Variants in SPAG16 observed in about 807,000 individuals in gnomAD.
SPAG16 encodes sperm associated antigen 16, also known as sperm-associated antigen 16 protein.
In SPAG16, 86 loss-of-function variants were observed where a neutral mutation model predicts 80.4. The observed-to-expected ratio is 1.07, with a 90% CI of 0.90 to 1.28. The LOEUF is 1.28. SPAG16 is among the 50% of genes most tolerant of loss of function. The pLI, the probability that SPAG16 is intolerant of heterozygous loss-of-function variation, is 0.00. For synonymous variants in SPAG16, 294 were observed against 265.9 expected, an observed-to-expected ratio of 1.11 and a Z score of -1.03; for missense variants, 870 against 765.3, an observed-to-expected ratio of 1.14 and a Z score of -1.61.
intron 5 of SPAG16, among the ~76,000 whole-genome samples, chr2:213,338,894 C>A (rs2064526645): frequency 1.3e-5 from 2 of 151,898 alleles, no homozygotes; most frequent in African/African-American, 4.8e-5. Flanking sequence ...GGAGGTGGAG[C>A]ATTAGGAAAA....
At chr2:213,355,854 A>G in intron 7 of SPAG16, among the ~76,000 whole-genome samples, 1 of 152,012 alleles carries the variant, frequency 6.6e-6, no homozygotes, top group East Asian at 1.9e-4. Flanking sequence ...AATCCCCTTT[A>G]TTTCTTTCTC....
chr2:213,590,471 A>G (rs2060646893), intron 10 of SPAG16, among the ~76,000 whole-genome samples: 2 of 151,904 alleles, frequency 1.3e-5, no homozygotes, highest in Admixed American at 6.6e-5. Flanking sequence ...AAATAACCCC[A>G]TTAAAAAGTG....
chr2:213,472,302 A>T (rs1405703812), intron 9 of SPAG16, among the ~76,000 whole-genome samples: 1 of 151,930 alleles, frequency 6.6e-6, no homozygotes, highest in Admixed American at 6.6e-5. Context: ...ATACCAGGAG[A>T]TGTGTTAATT....
intron 15 of SPAG16, among the ~76,000 whole-genome samples, chr2:214,201,742 A>G (rs2058014972): frequency 6.6e-6 from 1 of 152,224 alleles, no homozygotes. Context: ...CTCTGGAAAT[A>G]ATCTTTTGGA....
At chr2:213,776,633 GT>G (rs373640006) in intron 10 of SPAG16, among the ~76,000 whole-genome samples, 20 of 151,454 alleles carry the variant, frequency 1.3e-4, no homozygotes, top group Non-Finnish European at 2.1e-4. Context: ...ATTTTAAAAA[GT>G]TTTTTTTTCT....
At chr2:214,120,342 CT>C (rs1410769987) in intron 14 of SPAG16, among the ~76,000 whole-genome samples, 4 of 151,694 alleles carry the variant, frequency 2.6e-5, no homozygotes, top group African/African-American at 4.8e-5. Context: ...TACTACATTT[CT>C]TATAGAAATG....
chr2:213,667,276 C>G (rs1222119497), intron 10 of SPAG16, among the ~76,000 whole-genome samples: 2 of 152,086 alleles, frequency 1.3e-5, no homozygotes, highest in Admixed American at 1.3e-4. Flanking sequence ...AAATAGATCA[C>G]TAGGAAATTC....
chr2:214,023,762 A>G (rs571156219), intron 13 of SPAG16, among the ~76,000 whole-genome samples: 1 of 151,822 alleles, frequency 6.6e-6, no homozygotes, highest in East Asian at 1.9e-4. Flanking sequence ...CATCACAAAT[A>G]TCATTCCTTT....
intron 9 of SPAG16, among the ~76,000 whole-genome samples, chr2:213,423,638 C>T (rs1160912548): frequency 1.3e-5 from 2 of 152,146 alleles, no homozygotes; most frequent in Non-Finnish European, 2.9e-5. Context: ...ATCATGATGA[C>T]AATACTAACA....
chr2:214,178,973 A>G lies in SPAG16; in HGVS notation c.1720+29707A>G, dbSNP rs147619860. Among the ~76,000 whole-genome samples, 1,471 of 151,390 alleles carry G rather than the reference A, an allele frequency of 9.7e-3. 13 individuals are homozygous for G. The highest frequency in any genetic ancestry group is 0.024 in the Middle Eastern group (7 of 294). On this transcript the variant is annotated intron_variant, in intron 15 of 15. Transcript: ENST00000331683. ...TACAATTTTCTTTTGACGTATGAACATTTCTTTTGCAAACTAAGATGACCC... is the reference window on the plus strand; with the variant it reads ...TACAATTTTCTTTTGACGTATGAACGTTTCTTTTGCAAACTAAGATGACCC...
chr2:214,186,160 G>T (rs747637674), intron 15 of SPAG16, among the ~76,000 whole-genome samples: 3 of 152,152 alleles, frequency 2.0e-5, no homozygotes. Flanking sequence ...AGTATTAAAA[G>T]AATTCCCTGA....
At chr2:214,013,179 CTTTT>C (rs11382197) in intron 12 of SPAG16, among the ~76,000 whole-genome samples, 1 of 138,920 alleles carries the variant, frequency 7.2e-6, no homozygotes, top group African/African-American at 2.7e-5. Flanking sequence ...AGTATTTTGT[CTTTT>C]TTTTTTTTTT....
intron 10 of SPAG16, among the ~76,000 whole-genome samples, chr2:213,633,916 T>G (rs960897835): frequency 3.9e-5 from 6 of 152,132 alleles, no homozygotes; most frequent in African/African-American, 1.4e-4. Flanking sequence ...ATGTGTGTCT[T>G]TGTAGGTTAA....
chr2:213,870,236 A>G (rs2075894287), intron 11 of SPAG16, among the ~76,000 whole-genome samples: 1 of 152,152 alleles, frequency 6.6e-6, no homozygotes, highest in Non-Finnish European at 1.5e-5. Context: ...GCTTTATACA[A>G]AGACATAGCT....
At chr2:214,311,152 C>T (rs1266191931) in intron 15 of SPAG16, among the ~76,000 whole-genome samples, 3 of 152,050 alleles carry the variant, frequency 2.0e-5, no homozygotes, top group Non-Finnish European at 4.4e-5. Flanking sequence ...CTGTTACCTG[C>T]ATTTCCTCTG....
intron 9 of SPAG16, among the ~76,000 whole-genome samples, chr2:213,489,695 G>T (rs1226042812): frequency 6.6e-6 from 1 of 151,994 alleles, no homozygotes; most frequent in African/African-American, 2.4e-5. Flanking sequence ...GTGCTTCATT[G>T]GAATTCAAAT....
chr2:213,550,725 T>C lies in SPAG16; in HGVS notation c.1070+60635T>C, dbSNP rs367936952. 1.1e-4 allele frequency among the ~76,000 whole-genome samples: 17 copies of C among 152,216 alleles called. No homozygotes were observed. The South Asian group carries it at 3.5e-3, about 32-fold the overall frequency. ...CCAACTTTTATATTCCTTATTTCAC[T>C]TAACTGTCTAAATTTATTGGCTATG... is the stretch of plus-strand genomic sequence containing the variant. On this transcript the variant is annotated intron_variant, in intron 10 of 15. Transcript: ENST00000331683.
At chr2:213,939,660 CA>C (rs2079121193) in intron 12 of SPAG16, among the ~76,000 whole-genome samples, 1 of 152,100 alleles carries the variant, frequency 6.6e-6, no homozygotes, top group South Asian at 2.1e-4. Context: ...AAGCGGTTTT[CA>C]CATGAAAAGA....
At chr2:214,265,054 G>C (rs978311108) in intron 15 of SPAG16, among the ~76,000 whole-genome samples, 1 of 152,000 alleles carries the variant, frequency 6.6e-6, no homozygotes, top group African/African-American at 2.4e-5. Flanking sequence ...GGCTGCTTTC[G>C]TGTTTTTGCA....
Sources: allele counts gnomAD v4.1 joint callset (sites outside exome capture counted in the v4.1 genomes callset), GRCh38; gene constraint gnomAD v4.1.1; transcripts MANE v1.5; gene names NCBI Gene and HGNC (gene_info 2026-07-23, HGNC 2026-07-21).